The following CACNA1E variants were observed in gnomAD, a reference collection of about 807,000 sequenced individuals.
CACNA1E encodes voltage-dependent R-type calcium channel subunit alpha-1E.
In CACNA1E, 40 loss-of-function variants were observed where a neutral mutation model predicts 259.2. The ratio of observed to expected loss-of-function variants is 0.15; its 90% confidence interval spans 0.12 to 0.20. The LOEUF is 0.20. CACNA1E is among the 10% of genes least tolerant of loss of function. The pLI is 1.00. For synonymous variants in CACNA1E, 1,104 were observed against 1,138.5 expected, an observed-to-expected ratio of 0.97 and a Z score of 0.61; for missense variants, 1,874 against 3,040.1, an observed-to-expected ratio of 0.62 and a Z score of 9.02.
intron 2 of CACNA1E, among the ~76,000 whole-genome samples, chr1:181,468,606 G>C (rs1662297016): frequency 6.6e-6 from 1 of 152,208 alleles, no homozygotes. Flanking sequence ...TTGTAGTATA[G>C]TGGGGAGCCA....
intron 1 of CACNA1E, among the ~76,000 whole-genome samples, chr1:181,351,565 C>T (rs1220176839): frequency 3.3e-5 from 5 of 152,184 alleles, no homozygotes; most frequent in Non-Finnish European, 7.4e-5. Context: ...CAGATGTCCT[C>T]AATTAGTATC....
intron 29 of CACNA1E, 120 bp downstream of exon 29, chr1:181,756,213 T>G: frequency 1.0e-6 from 1 of 987,714 alleles, no homozygotes; most frequent in Non-Finnish European, 1.4e-6. Flanking sequence ...AAGTAAGGGG[T>G]TTTGAGAAGG....
intron 3 of CACNA1E, among the ~76,000 whole-genome samples, chr1:181,530,105 G>A (rs1283311762): frequency 6.6e-6 from 1 of 152,122 alleles, no homozygotes; most frequent in Non-Finnish European, 1.5e-5. Context: ...GAATCACGAG[G>A]GCTAGTCTTT....
intron 3 of CACNA1E, among the ~76,000 whole-genome samples, chr1:181,564,337 C>T (rs895844294): frequency 1.3e-5 from 2 of 152,196 alleles, no homozygotes; most frequent in Non-Finnish European, 2.9e-5. Context: ...TAACAATGTT[C>T]ACAGCATCTT....
chr1:181,708,164 G>T (rs974158409), intron 7 of CACNA1E, among the ~76,000 whole-genome samples: 1 of 152,196 alleles, frequency 6.6e-6, no homozygotes, highest in African/African-American at 2.4e-5. Flanking sequence ...AGGCAGGCAG[G>T]GGGTGGATAG....
At chr1:181,769,469 T>G in intron 35 of CACNA1E, among the ~76,000 whole-genome samples, 1 of 150,046 alleles carries the variant, frequency 6.7e-6, no homozygotes. Flanking sequence ...AAAGATGAGG[T>G]CTCACTGTGT....
chr1:181,513,334 T>C (rs746009836), intron 3 of CACNA1E, among the ~76,000 whole-genome samples: 1 of 152,268 alleles, frequency 6.6e-6, no homozygotes, highest in Non-Finnish European at 1.5e-5. Context: ...TTCTTCCCAA[T>C]ATAGTATGAG....
chr1:181,411,685 C>G (rs1451499287), intron 1 of CACNA1E, among the ~76,000 whole-genome samples: 2 of 152,190 alleles, frequency 1.3e-5, no homozygotes, highest in African/African-American at 4.8e-5. Flanking sequence ...TTTCAGCTCA[C>G]TGCAACCTCT....
At chr1:181,644,490 T>C (rs536953888) in intron 6 of CACNA1E, among the ~76,000 whole-genome samples, 3 of 152,296 alleles carry the variant, frequency 2.0e-5, no homozygotes, top group South Asian at 4.1e-4. Context: ...TGCTGTACAT[T>C]GTATCCTTTT....
intron 6 of CACNA1E, among the ~76,000 whole-genome samples, chr1:181,642,682 C>A (rs1224893120): frequency 6.6e-6 from 1 of 152,176 alleles, no homozygotes. Context: ...GGCACGTTCT[C>A]TTTAATCCTC....
At chr1:181,747,564 C>A (rs1387488889) in intron 25 of CACNA1E, among the ~76,000 whole-genome samples, 1 of 151,378 alleles carries the variant, frequency 6.6e-6, no homozygotes, top group Non-Finnish European at 1.5e-5. Context: ...ACCAGTGCAT[C>A]CTAGTGTGTG....
At chr1:181,559,230 T>A (rs1444857246) in intron 3 of CACNA1E, among the ~76,000 whole-genome samples, 1 of 152,130 alleles carries the variant, frequency 6.6e-6, no homozygotes, top group East Asian at 1.9e-4. Context: ...TTGGTCTGAC[T>A]TACACCCTAG....
intron 3 of CACNA1E, among the ~76,000 whole-genome samples, chr1:181,514,101 G>A (rs12071480): frequency 0.22 from 33,307 of 152,030 alleles, 5,337 homozygotes; most frequent in African/African-American, 0.45. Context: ...TGAGGGTTGC[G>A]GTTCTATCCC....
intron 2 of CACNA1E, among the ~76,000 whole-genome samples, chr1:181,451,695 A>T (rs1227093464): frequency 8.3e-6 from 1 of 120,082 alleles, no homozygotes; most frequent in East Asian, 2.0e-4. Flanking sequence ...AAAACAAAGA[A>T]AAACAAAAAA....
intron 2 of CACNA1E, among the ~76,000 whole-genome samples, chr1:181,437,235 T>C (rs1485688140): frequency 6.6e-6 from 1 of 152,196 alleles, no homozygotes; most frequent in Admixed American, 6.5e-5. Flanking sequence ...CTGACAGTTT[T>C]ATATTCTCTT....
chr1:181,440,076 G>A (rs868428838), intron 2 of CACNA1E, among the ~76,000 whole-genome samples: 1 of 152,196 alleles, frequency 6.6e-6, no homozygotes, highest in Non-Finnish European at 1.5e-5. Flanking sequence ...AAGTACTTTC[G>A]TGTCAATTAT....
intron 2 of CACNA1E, among the ~76,000 whole-genome samples, chr1:181,434,072 G>GCTGC (rs141138852): frequency 1.5e-3 from 227 of 152,354 alleles, no homozygotes; most frequent in African/African-American, 5.2e-3. Context: ...TCTAAGATGA[G>GCTGC]CTGGGCTTGT....
At chr1:181,369,051 G>C (rs1260885733) in intron 1 of CACNA1E, among the ~76,000 whole-genome samples, 1 of 152,166 alleles carries the variant, frequency 6.6e-6, no homozygotes, top group Non-Finnish European at 1.5e-5. Flanking sequence ...AGTCCAGAGG[G>C]TTGAAGCGCA....
At chr1:181,579,299 A>T in intron 5 of CACNA1E, 75 bp downstream of exon 5, 4 of 1,258,198 alleles carry the variant, frequency 3.2e-6, no homozygotes, top group Non-Finnish European at 3.3e-6. Context: ...GGGCACTTGG[A>T]GGCTCATTGG....
Sources: allele counts gnomAD v4.1 joint callset (sites outside exome capture counted in the v4.1 genomes callset), GRCh38; gene constraint gnomAD v4.1.1; transcripts MANE v1.5; gene names NCBI Gene and HGNC (gene_info 2026-07-23, HGNC 2026-07-21).